The following TGFB2 variants were observed in gnomAD, a reference collection of about 807,000 sequenced individuals.
TGFB2 encodes the protein transforming growth factor beta 2, also known as transforming growth factor beta-2 proprotein.
TGFB2 carries 13 observed loss-of-function variants against 42.7 expected under a neutral mutation model. The observed-to-expected ratio is 0.30, with a 90% CI of 0.20 to 0.48. The LOEUF is 0.48. TGFB2 is among the 20% of genes least tolerant of loss of function. The pLI, the probability that TGFB2 is intolerant of heterozygous loss-of-function variation, is 0.99. For synonymous variants in TGFB2, 193 were observed against 193.6 expected, an observed-to-expected ratio of 1.00 and a Z score of 0.03; for missense variants, 390 against 517.5, an observed-to-expected ratio of 0.75 and a Z score of 2.39.
intron 1 of TGFB2, among the ~76,000 whole-genome samples, chr1:218,397,033 G>A (rs755411359): frequency 4.2e-4 from 63 of 149,116 alleles, no homozygotes; most frequent in Non-Finnish European, 5.9e-4. Context: ...TTTGGGAGGC[G>A]GAGGCAGTGG....
At chr1:218,358,627 C>A (rs1173244662) in intron 1 of TGFB2, among the ~76,000 whole-genome samples, 3 of 150,150 alleles carry the variant, frequency 2.0e-5, no homozygotes, top group Non-Finnish European at 4.4e-5. Flanking sequence ...CAGCTCACTG[C>A]AAGCTCTGCC....
In TGFB2 at chr1:218,441,261, T is replaced by C. The variant is rs1558266093; in HGVS notation, c.1144T>C (p.Ser382Pro). 1.2e-6 allele frequency: 2 copies of C among 1,613,892 alleles called. No homozygotes were observed. The highest frequency in any genetic ancestry group is 1.7e-6 in the Non-Finnish European group (2 of 1,179,916). Residue 382 changes from serine (S) to proline (P), a missense_variant, in exon 7 of 7, where the codon TCC (serine) becomes CCC (proline). Coordinates refer to ENST00000366930, the MANE Select transcript of TGFB2 (RefSeq NM_003238.6). ...PEASASPCCV[S>P]QDLEPLTILY... ...AGCATCTGCTTCTCCTTGCTGCGTG[T>C]CCCAAGATTTAGAACCTCTAACCAT...
chr1:218,409,675 A>AC (rs1284424113), intron 2 of TGFB2, among the ~76,000 whole-genome samples: 1 of 151,320 alleles, frequency 6.6e-6, no homozygotes, highest in African/African-American at 2.4e-5. Flanking sequence ...GAAAAAAAAA[A>AC]CAGATTTGAT....
In TGFB2 at chr1:218,400,349, T is replaced by C. The variant is rs914136914; in HGVS notation, c.347-4820T>C. Among the ~76,000 whole-genome samples, 24 of 152,182 alleles carry C rather than the reference T, an allele frequency of 1.6e-4. 1 individual carries two copies. Among genetic ancestry groups the C allele is most frequent in the Admixed American group, 1.6e-3 (24 of 15,280 alleles). ...GTGTTTTTTTATGTGCTGTTTGATA[T>C]TGTGCTCACTTGGGCATGGGGATGC... On this transcript the variant is annotated intron_variant, in intron 1 of 6. Transcript: ENST00000366930.
chr1:218,419,417 C>T (rs1302868758), intron 2 of TGFB2, among the ~76,000 whole-genome samples: 1 of 152,148 alleles, frequency 6.6e-6, no homozygotes, highest in Non-Finnish European at 1.5e-5. Context: ...TCGCTTTTCC[C>T]AACACATCCT....
chr1:218,439,553 A>G (rs1055120863), intron 6 of TGFB2, among the ~76,000 whole-genome samples: 19 of 152,212 alleles, frequency 1.2e-4, no homozygotes, highest in African/African-American at 4.3e-4. Flanking sequence ...TGGAATTTAA[A>G]TTGACAAATA....
intron 1 of TGFB2, among the ~76,000 whole-genome samples, chr1:218,373,159 A>T (rs12088605): frequency 0.037 from 5,662 of 152,170 alleles, 242 homozygotes; most frequent in African/African-American, 0.1. Context: ...CCCTGGGCAA[A>T]AAGAGCAAAG....
At chr1:218,429,334 G>A (rs776422553) in intron 2 of TGFB2, among the ~76,000 whole-genome samples, 1 of 152,102 alleles carries the variant, frequency 6.6e-6, no homozygotes, top group Non-Finnish European at 1.5e-5. Flanking sequence ...TTTTGTAAGT[G>A]GAATCACAAT....
chr1:218,412,527 G>A lies in TGFB2; in HGVS notation c.510+7195G>A, dbSNP rs113969251. ...TTCAGTGTGCGTACTCACATCCCAG[G>A]ATTTGGTGACTACGTCTGTCCTCCC... On this transcript the variant is annotated intron_variant, in intron 2 of 6. Coordinates refer to ENST00000366930, the MANE Select transcript of TGFB2 (RefSeq NM_003238.6). Among the ~76,000 whole-genome samples the A allele has an allele frequency of 9.0e-3, 1,365 of 152,322 alleles. 20 individuals carry two copies. The highest frequency in any genetic ancestry group is 0.028 in the African/African-American group (1,166 of 41,580).
intron 1 of TGFB2, among the ~76,000 whole-genome samples, chr1:218,402,455 T>TAGA (rs956702471): frequency 2.0e-5 from 3 of 151,908 alleles, no homozygotes; most frequent in African/African-American, 7.3e-5. Flanking sequence ...ATGATTTGCT[T>TAGA]AGAAGAAGAA....
Position 218,376,757 on chromosome 1 carries a change from C to T in TGFB2, c.347-28412C>T, listed in dbSNP as rs75352110. On this transcript the variant is annotated intron_variant, in intron 1 of 6. Coordinates refer to ENST00000366930, the MANE Select transcript of TGFB2 (RefSeq NM_003238.6). ...GTTATTACTATATTATCCCTGCCCT[C>T]AAGTAGCTTATAGCCTATTTGTGGA... 5.7e-3 allele frequency among the ~76,000 whole-genome samples: 871 copies of T among 152,322 alleles called. 3 individuals are homozygous for T. Among genetic ancestry groups the T allele is most frequent in the Non-Finnish European group, 8.8e-3 (596 of 68,026 alleles).
At chr1:218,372,400 G>C (rs1468395040) in intron 1 of TGFB2, among the ~76,000 whole-genome samples, 3 of 152,208 alleles carry the variant, frequency 2.0e-5, no homozygotes, top group Non-Finnish European at 4.4e-5. Context: ...TGTGTTCACA[G>C]TGGCAGCAGG....
chr1:218,387,306 G>A (rs1354347556), intron 1 of TGFB2, among the ~76,000 whole-genome samples: 5 of 152,048 alleles, frequency 3.3e-5, no homozygotes, highest in Admixed American at 6.5e-5. Flanking sequence ...GGGGTCAGAA[G>A]GTACAAAAAT....
chr1:218,390,460 CA>C (rs1356342499), intron 1 of TGFB2, among the ~76,000 whole-genome samples: 1 of 152,068 alleles, frequency 6.6e-6, no homozygotes, highest in Non-Finnish European at 1.5e-5. Context: ...TGCCATTTTT[CA>C]GTCAGTTTTT....
intron 2 of TGFB2, among the ~76,000 whole-genome samples, chr1:218,417,621 G>T (rs997648094): frequency 9.9e-5 from 15 of 152,220 alleles, no homozygotes; most frequent in African/African-American, 3.6e-4. Context: ...AAGACAATGG[G>T]AAAAATGTCT....
chr1:218,441,477 T>TA lies in TGFB2; in HGVS notation c.*121dup. 8.1e-7 allele frequency: 1 copy of TA among 1,235,888 alleles called. No individual in the cohort carries two copies. The highest frequency in any genetic ancestry group is 2.6e-5 in the East Asian group (1 of 38,244). 76.6% of individuals were successfully genotyped at this position (1,235,888 alleles called of 1,614,324 possible). On this transcript the variant is annotated 3_prime_UTR_variant, in exon 7 of 7. Transcript: ENST00000366930. ...TAAGAGAGCCTTGGTTCATCAGTGT[T>TA]AAAAAATTTTTGAAAAGGCGGTACT...
At chr1:218,409,169 T>C (rs2102599217) in intron 2 of TGFB2, among the ~76,000 whole-genome samples, 1 of 152,318 alleles carries the variant, frequency 6.6e-6, no homozygotes, top group South Asian at 2.1e-4. Context: ...GAAGCTTTGC[T>C]TGCTTGCCTG....
At chr1:218,390,721 G>T (rs955134756) in intron 1 of TGFB2, among the ~76,000 whole-genome samples, 1 of 152,178 alleles carries the variant, frequency 6.6e-6, no homozygotes, top group African/African-American at 2.4e-5. Flanking sequence ...AAGCTGCTTA[G>T]CACCCAAATG....
chr1:218,408,679 A>G (rs1276061655), intron 2 of TGFB2, among the ~76,000 whole-genome samples: 2 of 152,082 alleles, frequency 1.3e-5, no homozygotes, highest in Non-Finnish European at 2.9e-5. Flanking sequence ...TATTGCTTCA[A>G]CTAGTTTGAC....
Sources: allele counts gnomAD v4.1 joint callset (sites outside exome capture counted in the v4.1 genomes callset), GRCh38; gene constraint gnomAD v4.1.1; transcripts MANE v1.5; gene names NCBI Gene and HGNC (gene_info 2026-07-23, HGNC 2026-07-21).